The following PLPPR1 variants were observed in gnomAD, a reference collection of about 807,000 sequenced individuals.
PLPPR1 encodes the protein phospholipid phosphatase-related protein type 1.
Under a neutral mutation model 33.1 loss-of-function variants are expected in PLPPR1, and 10 were observed. The observed-to-expected ratio is 0.30, with a 90% CI of 0.19 to 0.51. The LOEUF (loss-of-function observed/expected upper bound fraction) is 0.51. Among genes scored for constraint, PLPPR1 ranks in the 20% least tolerant of loss-of-function variants. PLPPR1 has a pLI of 0.97. For synonymous variants in PLPPR1, 151 were observed against 151.0 expected (o/e 1.00, Z 0.00); for missense variants, 304 against 408.1 (o/e 0.74, Z 2.20).
chr9:101,303,665 G>A (rs767642907), intron 4 of PLPPR1, among the ~76,000 whole-genome samples: 6 of 152,190 alleles, frequency 3.9e-5, no homozygotes, highest in East Asian at 1.9e-4. Flanking sequence ...TAAAAGCTGC[G>A]GTTCAGACTA....
intron 1 of PLPPR1, among the ~76,000 whole-genome samples, chr9:101,156,552 C>CAAAAA (rs1162056636): frequency 1.2e-3 from 88 of 71,220 alleles, no homozygotes; most frequent in Non-Finnish European, 1.7e-3. Context: ...ACCCTGTCTC[C>CAAAAA]AAAAAAAAAA....
At chr9:101,234,582 A>C (rs1186516424) in intron 2 of PLPPR1, among the ~76,000 whole-genome samples, 1 of 151,852 alleles carries the variant, frequency 6.6e-6, no homozygotes, top group Non-Finnish European at 1.5e-5. Context: ...TCTATACCGT[A>C]ATGCTATAAG....
intron 2 of PLPPR1, among the ~76,000 whole-genome samples, chr9:101,228,054 C>T (rs555334197): frequency 5.9e-5 from 9 of 152,188 alleles, no homozygotes; most frequent in Non-Finnish European, 8.8e-5. Flanking sequence ...GCTGGGATTA[C>T]AGACACAAAC....
chr9:101,220,141 A>G (rs1331903045), intron 2 of PLPPR1, among the ~76,000 whole-genome samples: 3 of 152,134 alleles, frequency 2.0e-5, no homozygotes, highest in Non-Finnish European at 2.9e-5. Flanking sequence ...CTTGGCCCCT[A>G]CCCACTAAAT....
intron 2 of PLPPR1, among the ~76,000 whole-genome samples, chr9:101,195,773 T>A (rs965720265): frequency 3.9e-5 from 6 of 152,208 alleles, no homozygotes; most frequent in Non-Finnish European, 5.9e-5. Flanking sequence ...GTATACCATG[T>A]GGTAACATCA....
chr9:101,225,454 C>A (rs34846586), intron 2 of PLPPR1, among the ~76,000 whole-genome samples: 2 of 152,124 alleles, frequency 1.3e-5, no homozygotes, highest in East Asian at 3.9e-4. Flanking sequence ...ATTCCAATTC[C>A]ACATAGCTCA....
chr9:101,047,028 G>A (rs958058084), intron 1 of PLPPR1, among the ~76,000 whole-genome samples: 2 of 152,062 alleles, frequency 1.3e-5, no homozygotes, highest in African/African-American at 4.8e-5. Flanking sequence ...CAGATCATCA[G>A]GCATTAGATT....
intron 1 of PLPPR1, among the ~76,000 whole-genome samples, chr9:101,167,046 GAA>G (rs5899433): frequency 0.013 from 1,279 of 95,590 alleles, 12 homozygotes; most frequent in Middle Eastern, 0.032. Context: ...AAGATCTATT[GAA>G]AAAAAAAAAA....
intron 3 of PLPPR1, among the ~76,000 whole-genome samples, chr9:101,271,735 C>T (rs1828105686): frequency 1.3e-5 from 2 of 152,172 alleles, no homozygotes; most frequent in African/African-American, 4.8e-5. Context: ...GTCTCATAAG[C>T]ATATCGCTTT....
chr9:101,267,247 A>G (rs1828015047), intron 2 of PLPPR1, among the ~76,000 whole-genome samples: 1 of 152,246 alleles, frequency 6.6e-6, no homozygotes, highest in Non-Finnish European at 1.5e-5. Context: ...AAGAAACAGT[A>G]ACTTCATAGC....
Position 101,053,215 on chromosome 9 carries a change from T to G in PLPPR1, c.-46+24113T>G, listed in dbSNP as rs537955798. On this transcript the variant is annotated intron_variant, in intron 1 of 7. Coordinates refer to ENST00000374874, the MANE Select transcript of PLPPR1 (RefSeq NM_207299.2). ...ATTTCAGTTAATGGGGCCACCATTA[T>G]CTAATCACTGGAGCCTGAAAACCAG... Among the ~76,000 whole-genome samples the G allele has an allele frequency of 4.6e-5, 7 of 152,252 alleles. No individual in the cohort carries two copies. In the East Asian group the frequency reaches 1.4e-3, roughly 29 times the overall value.
chr9:101,081,218 T>A (rs1289035321), intron 1 of PLPPR1, among the ~76,000 whole-genome samples: 5 of 152,192 alleles, frequency 3.3e-5, no homozygotes, highest in Admixed American at 6.5e-5. Flanking sequence ...TGCTTTTTTT[T>A]AATTTTTATT....
At chr9:101,123,888 G>C (rs1178836456) in intron 1 of PLPPR1, among the ~76,000 whole-genome samples, 1 of 152,074 alleles carries the variant, frequency 6.6e-6, no homozygotes, top group East Asian at 1.9e-4. Context: ...CACAGAGCTT[G>C]GTGTTCCAAA....
chr9:101,146,233 A>G (rs933487636), intron 1 of PLPPR1, among the ~76,000 whole-genome samples: 1 of 152,204 alleles, frequency 6.6e-6, no homozygotes, highest in East Asian at 1.9e-4. Context: ...GGCCTGGCAC[A>G]TAACAGATGC....
chr9:101,134,990 G>A (rs947336969), intron 1 of PLPPR1, among the ~76,000 whole-genome samples: 1 of 152,098 alleles, frequency 6.6e-6, no homozygotes, highest in East Asian at 1.9e-4. Flanking sequence ...TTGCAGATGA[G>A]GTGATTGAGG....
rs1371168184 is a variant in PLPPR1, at chr9:101,296,410, T to A, written c.385+10174T>A. On this transcript the variant is annotated intron_variant, in intron 4 of 7. Coordinates refer to ENST00000374874, the MANE Select transcript of PLPPR1 (RefSeq NM_207299.2). ...GTGTGGCAATTCCTCAGGGATCTAGTACTAGAAATACCATTTGATCCAGCC... is the reference window on the plus strand; with the variant it reads ...GTGTGGCAATTCCTCAGGGATCTAGAACTAGAAATACCATTTGATCCAGCC... 2.6e-5 allele frequency among the ~76,000 whole-genome samples: 4 copies of A among 151,354 alleles called. No homozygotes were observed. In the South Asian group the frequency reaches 6.2e-4, roughly 24 times the overall value.
intron 1 of PLPPR1, among the ~76,000 whole-genome samples, chr9:101,129,296 T>C (rs1259218522): frequency 6.6e-6 from 1 of 150,684 alleles, no homozygotes; most frequent in South Asian, 2.1e-4. Flanking sequence ...CCACCTTAAG[T>C]AACAGTTGAG....
intron 1 of PLPPR1, among the ~76,000 whole-genome samples, chr9:101,125,068 C>T (rs951814638): frequency 6.6e-6 from 1 of 152,200 alleles, no homozygotes; most frequent in East Asian, 1.9e-4. Flanking sequence ...CTTGTCTGTC[C>T]CTGCAAATCT....
chr9:101,080,961 T>C lies in PLPPR1; in HGVS notation c.-46+51859T>C, dbSNP rs141509572. On this transcript the variant is annotated intron_variant, in intron 1 of 7. Coordinates refer to ENST00000374874, the MANE Select transcript of PLPPR1 (RefSeq NM_207299.2). ...TCCCTTTCAGAAGTATCTGGTGCCA[T>C]TGATTCCGGAGCCTAGTGGGAGTTC... Among the ~76,000 whole-genome samples the C allele has an allele frequency of 6.9e-3, 1,050 of 152,284 alleles. 13 individuals carry two copies. The highest frequency in any genetic ancestry group is 0.024 in the African/African-American group (1,014 of 41,550).
Sources: gnomAD v4.1 joint callset for allele counts (sites outside exome capture counted in the v4.1 genomes callset) on GRCh38, gnomAD v4.1.1 for gene constraint, MANE v1.5 for transcripts, NCBI Gene and HGNC (gene_info 2026-07-23, HGNC 2026-07-21) for gene names.